ENG: variants seen among roughly 807,000 people sequenced by gnomAD.
ENG encodes CD105 antigen.
Under a neutral mutation model 71.0 loss-of-function variants are expected in ENG, and 17 were observed. That is an observed-to-expected ratio of 0.24 (90% confidence interval 0.16 to 0.36). The LOEUF (loss-of-function observed/expected upper bound fraction) is 0.36, where lower values mean the gene tolerates loss of function less well. ENG is among the 10% of genes least tolerant of loss of function. The pLI, the probability that ENG is intolerant of heterozygous loss-of-function variation, is 1.00. For synonymous variants in ENG, 360 were observed against 366.9 expected (o/e 0.98, Z 0.21); for missense variants, 749 against 868.3 (o/e 0.86, Z 1.73).
Position 127,854,487 on chromosome 9 carries a change from T to C in ENG, c.-132A>G. On this transcript the variant is annotated 5_prime_UTR_variant, in exon 1 of 15. Transcript: ENST00000373203. The stretch of plus-strand genomic sequence containing the variant: ...CAGGCGGCCGGAGCGACGGCGTCCC[T>C]GCTCCAGCCTTCTGGGGTGGCGGCC... 1.0e-6 allele frequency: 1 copy of C among 966,498 alleles called. No homozygotes were observed. Among genetic ancestry groups the C allele is most frequent in the Middle Eastern group, 3.1e-4 (1 of 3,224 alleles). The allele number at this position is 966,498 out of a possible 1,614,324, so 59.9% of individuals were successfully genotyped here.
chr9:127,824,512 C>CTTTT lies in ENG; in HGVS notation c.992-70_992-67dup, dbSNP rs71380096. ...GTGATCACTGTGTGCCCGCACCAGGCTTTTTTTTTTTTTTTTTTTTTTTTG... is the reference window on the plus strand; with the variant it reads ...GTGATCACTGTGTGCCCGCACCAGGCTTTTTTTTTTTTTTTTTTTTTTTTTTTTG... On this transcript the variant is annotated intron_variant, in intron 7 of 14. Coordinates refer to ENST00000373203, the MANE Select transcript of ENG (RefSeq NM_001114753.3). The CTTTT allele has an allele frequency of 1.7e-3, 1,165 of 684,990 alleles. 7 individuals carry two copies. Among genetic ancestry groups the CTTTT allele is most frequent in the African/African-American group, 5.4e-3 (168 of 30,832 alleles). The allele number at this position is 684,990 out of a possible 1,614,324, so 42.4% of individuals were successfully genotyped here.
At chr9:127,825,193 G>A (rs757394802) in intron 6 of ENG, 38 bp downstream of exon 6, 5 of 1,613,180 alleles carry the variant, frequency 3.1e-6, no homozygotes, top group Non-Finnish European at 4.2e-6. Flanking sequence ...GAGGTTGGGA[G>A]TTTGGGTTTT....
intron 1 of ENG, among the ~76,000 whole-genome samples, chr9:127,849,856 C>A (rs1370630355): frequency 1.3e-5 from 2 of 152,214 alleles, no homozygotes; most frequent in Admixed American, 1.3e-4. Context: ...CTGAGTTATA[C>A]GAGTACCTCA....
rs1315317848 is a variant in ENG, at chr9:127,819,977, T to C, written c.1195A>G (p.Arg399Gly). 2 of 1,614,200 alleles carry C rather than the reference T, an allele frequency of 1.2e-6. No individual in the cohort carries two copies. The highest frequency in any genetic ancestry group is 3.3e-5 in the Admixed American group (2 of 60,022). Residue 399 changes from arginine (R) to glycine (G), a missense_variant, in exon 9 of 15, where the codon AGG becomes GGG. Coordinates refer to ENST00000373203, the MANE Select transcript of ENG (RefSeq NM_001114753.3). ...CTGCGCAAGACAAACTTGTCACCCCTGTCCTCTGCCTCACAGCTGGGGTCC... is the reference window on the plus strand; with the variant it reads ...CTGCGCAAGACAAACTTGTCACCCCCGTCCTCTGCCTCACAGCTGGGGTCC... ...FWDPSCEAED[R>G]GDKFVLRSAY...
chr9:127,829,935 T>C lies in ENG; in HGVS notation c.220-108A>G, dbSNP rs1741629598. ...ATGCTTCCACTCCACTCTCCCTGCC[T>C]GCTCTGTCCACCCTCACCTCCCAGT... On this transcript the variant is annotated intron_variant, in intron 2 of 14. Transcript: ENST00000373203. The C allele has an allele frequency of 2.7e-6, 4 of 1,505,018 alleles. No individual in the cohort carries two copies. In the Admixed American group the frequency reaches 6.8e-5, roughly 26 times the overall value. 93.2% of individuals were successfully genotyped at this position (1,505,018 alleles called of 1,614,324 possible).
chr9:127,843,140 G>C lies in ENG; in HGVS notation c.173C>G (p.Pro58Arg). Residue 58 changes from proline to arginine, a missense_variant, in exon 2 of 15, where the codon CCC becomes CGC. Physicochemically the swap from Pro to Arg is moderately radical, Grantham distance 103. Transcript: ENST00000373203. ...QVSKGCVAQA[P>R]NAILEVHVLF... ...GACATGGACTTCAAGGATGGCATTG[G>C]GGGCCTGAGCCACGCAGCCCTTCGA... The C allele has an allele frequency of 6.2e-7, 1 of 1,614,208 alleles. No homozygotes were observed. Among genetic ancestry groups the C allele is most frequent in the Non-Finnish European group, 8.5e-7 (1 of 1,180,028 alleles).
At position 127,845,269 on chromosome 9, in the gene ENG, G is replaced by A. The variant is rs539088611; in HGVS notation, c.68-2024C>T. ...ACCCTGGGCTGTCTGGAGCCTCACCGGCCTCCTTCCTCACCTTCCCACAGC... is the reference window on the plus strand; with the variant it reads ...ACCCTGGGCTGTCTGGAGCCTCACCAGCCTCCTTCCTCACCTTCCCACAGC... On this transcript the variant is annotated intron_variant, in intron 1 of 14. Coordinates refer to ENST00000373203, the MANE Select transcript of ENG (RefSeq NM_001114753.3). Among the ~76,000 whole-genome samples the A allele has an allele frequency of 3.9e-5, 6 of 152,312 alleles. No individual in the cohort carries two copies. The East Asian group carries it at 7.7e-4, about 20-fold the overall frequency.
chr9:127,816,037 G>A lies in ENG; in HGVS notation c.1758C>T (p.Gly586=), dbSNP rs150566847. ...TGCCCAGCACGGCGGGCAGGACGAG[G>A]CCTTTGCTTGTGCAACCTAGAGAGG... ...SPDLSGCTSK[G]LVLPAVLGIT... is the part of the protein sequence containing the mutation. The change falls in exon 14 of 15, where the codon GGC becomes GGT. Residue 586 remains glycine, a synonymous_variant. Transcript: ENST00000373203. 16 of 1,610,122 alleles carry A rather than the reference G, an allele frequency of 9.9e-6. No homozygotes were observed. Among genetic ancestry groups the A allele is most frequent in the African/African-American group, 1.3e-5 (1 of 74,892 alleles).
intron 2 of ENG, among the ~76,000 whole-genome samples, chr9:127,830,332 A>C: frequency 7.8e-6 from 1 of 127,856 alleles, no homozygotes; most frequent in Non-Finnish European, 1.6e-5. Flanking sequence ...ACAGAGTGAG[A>C]CTCCATCTAA....
intron 8 of ENG, among the ~76,000 whole-genome samples, chr9:127,821,713 T>TAA (rs34600598): frequency 0.32 from 46,102 of 145,614 alleles, 8,877 homozygotes; most frequent in East Asian, 0.65. Flanking sequence ...CCGTCTCTGC[T>TAA]AAAAAAAAAA....
chr9:127,849,665 C>A (rs963654756), intron 1 of ENG, among the ~76,000 whole-genome samples: 1 of 152,030 alleles, frequency 6.6e-6, no homozygotes, highest in East Asian at 1.9e-4. Context: ...GGTTGTACCC[C>A]GGATGGGAGG....
At position 127,819,928 on chromosome 9, in the gene ENG, T is replaced by C. The variant is rs1157807912; in HGVS notation, c.1244A>G (p.Gln415Arg). Residue 415 changes from glutamine to arginine, a missense_variant, in exon 9 of 15, where the codon CAG becomes CGG. By Grantham distance (43) the Gln-to-Arg change is conservative. Coordinates refer to ENST00000373203, the MANE Select transcript of ENG (RefSeq NM_001114753.3). ...ATTGCTGATCATACTTGCTGACACC[T>C]GCATGCCACAGCTGGAGTAAGCACT... Reference protein sequence around the residue: ...LRSAYSSCGMQVSASMISNEA... With the variant: ...LRSAYSSCGMRVSASMISNEA... 1 of 1,614,228 alleles carries C rather than the reference T, an allele frequency of 6.2e-7. No individual in the cohort carries two copies. Among genetic ancestry groups the C allele is most frequent in the Non-Finnish European group, 8.5e-7 (1 of 1,180,044 alleles).
In ENG at chr9:127,846,382, C is replaced by G. The variant is rs927018835; in HGVS notation, c.68-3137G>C. On this transcript the variant is annotated intron_variant, in intron 1 of 14. Coordinates refer to ENST00000373203, the MANE Select transcript of ENG (RefSeq NM_001114753.3). The surrounding 1 kb of genome is among the most constrained non-coding windows in gnomAD (Gnocchi z 5.5). ...GCACATGGTTGACCAGGCCGGGCCT[C>G]GGACCCGCGTCTCCCAACATGACCC... Among the ~76,000 whole-genome samples the G allele has an allele frequency of 1.3e-5, 2 of 152,178 alleles. No homozygotes were observed. The highest frequency in any genetic ancestry group is 2.9e-5 in the Non-Finnish European group (2 of 68,040).
intron 3 of ENG, 148 bp from the exon 4 acceptor site, chr9:127,826,820 G>A (rs1830630055): frequency 1.8e-6 from 2 of 1,106,430 alleles, no homozygotes; most frequent in South Asian, 3.0e-5. Flanking sequence ...TGGATCTGCA[G>A]TCAGCCCGGA....
chr9:127,847,118 G>T, intron 1 of ENG: 1 of 195,854 alleles, frequency 5.1e-6, no homozygotes, highest in Non-Finnish European at 9.3e-6. Flanking sequence ...CTTACTGGGA[G>T]CCTAGGCAGC....
intron 2 of ENG, 137 bp downstream of exon 2, chr9:127,842,957 C>T: frequency 7.2e-7 from 1 of 1,387,364 alleles, no homozygotes; most frequent in Non-Finnish European, 1.0e-6. Flanking sequence ...GTGAGATGCC[C>T]ACATCACTCT....
At chr9:127,824,165 T>G in intron 8 of ENG, 139 bp downstream of exon 8, 1 of 1,223,522 alleles carries the variant, frequency 8.2e-7, no homozygotes, top group Admixed American at 1.9e-5. Context: ...ATCAATTCCA[T>G]TATACAAGTG....
chr9:127,817,394 T>C lies in ENG; in HGVS notation c.1687-191A>G, dbSNP rs918589160. On this transcript the variant is annotated intron_variant, in intron 12 of 14. Coordinates refer to ENST00000373203, the MANE Select transcript of ENG (RefSeq NM_001114753.3). ...GGGAGGGTGCCTAGTGGACGATCCC[T>C]GGCTGCTGCTGAAATGTTTCCTGTG... The C allele has an allele frequency of 1.8e-5, 12 of 653,314 alleles. No homozygotes were observed. In the African/African-American group the frequency reaches 2.0e-4, roughly 11 times the overall value. The allele number at this position is 653,314 out of a possible 1,614,324, so 40.5% of individuals were successfully genotyped here.
chr9:127,823,609 C>T (rs1830524086), intron 8 of ENG, among the ~76,000 whole-genome samples: 3 of 149,798 alleles, frequency 2.0e-5, no homozygotes, highest in Admixed American at 6.7e-5. Flanking sequence ...AGGATGGTCT[C>T]GATCTCCTGA....
Sources: allele counts gnomAD v4.1 joint callset (sites outside exome capture counted in the v4.1 genomes callset), GRCh38; gene constraint gnomAD v4.1.1; non-coding constraint Gnocchi (gnomAD v3.1); transcripts MANE v1.5; gene names NCBI Gene and HGNC (gene_info 2026-07-23, HGNC 2026-07-21).